RB1: variants seen among roughly 807,000 people sequenced by gnomAD.
RB1 encodes the protein RB transcriptional corepressor 1.
In RB1, 18 loss-of-function variants were observed where a neutral mutation model predicts 135.4. That is an observed-to-expected ratio of 0.13 (90% confidence interval 0.09 to 0.20). The LOEUF is 0.20. RB1 is among the 10% of genes least tolerant of loss of function. RB1 has a pLI of 1.00. For synonymous variants in RB1, 365 were observed against 373.2 expected, an observed-to-expected ratio of 0.98 and a Z score of 0.25; for missense variants, 868 against 1,110.0, an observed-to-expected ratio of 0.78 and a Z score of 3.10.
rs148200724 is a variant in RB1 at position 48,450,686 on chromosome 13, C to G, written c.1696-2307C>G. ...ATATGAATTTTATGAATTTTGGTTC[C>G]ATGTGAATTAGTTTTTTCTAATTCT... is the stretch of plus-strand genomic sequence containing the variant. On this transcript the variant is annotated intron_variant, in intron 17 of 26. Coordinates refer to ENST00000267163, the MANE Select transcript of RB1 (RefSeq NM_000321.3). Among the ~76,000 whole-genome samples the G allele has an allele frequency of 8.6e-5, 13 of 152,028 alleles. No individual in the cohort carries two copies. In the East Asian group the frequency reaches 2.5e-3, roughly 29 times the overall value.
chr13:48,358,659 G>C lies in RB1; in HGVS notation c.608-1358G>C, dbSNP rs1303668839. Among the ~76,000 whole-genome samples the C allele has an allele frequency of 3.9e-5, 6 of 152,056 alleles. No homozygotes were observed. In the South Asian group the frequency reaches 6.2e-4, roughly 16 times the overall value. ...AGTATGCAGAGTCTCTGTGTTGTCAGAAAAATAAGCTATAGTTGTTTACTT... is the reference window on the plus strand; with the variant it reads ...AGTATGCAGAGTCTCTGTGTTGTCACAAAAATAAGCTATAGTTGTTTACTT... On this transcript the variant is annotated intron_variant, in intron 6 of 26. Transcript: ENST00000267163.
At chr13:48,477,245 C>T in intron 25 of RB1, 110 bp from the exon 26 acceptor site, 1 of 752,094 alleles carries the variant, frequency 1.3e-6, no homozygotes, top group Non-Finnish European at 2.3e-6. Context: ...AAAAGCTACT[C>T]ACTAAAATAA....
intron 10 of RB1, 99 bp from the exon 11 acceptor site, chr13:48,368,428 A>C (rs1377450455): frequency 6.8e-7 from 1 of 1,477,628 alleles, no homozygotes; most frequent in Non-Finnish European, 9.2e-7. Flanking sequence ...ATTTTATATG[A>C]TTTTATGAGA....
intron 24 of RB1, among the ~76,000 whole-genome samples, chr13:48,476,045 A>AATT (rs1178251653): frequency 4.6e-5 from 7 of 152,200 alleles, no homozygotes; most frequent in Non-Finnish European, 1.0e-4. Flanking sequence ...GTTTTTGTTA[A>AATT]ATTGTATATG....
At chr13:48,444,674 T>A (rs1199479924) in intron 17 of RB1, 2 of 152,352 alleles carry the variant, frequency 1.3e-5, no homozygotes, top group Non-Finnish European at 2.9e-5. Flanking sequence ...AACCTCCATG[T>A]GTTCAGCTAT....
rs775013695 is a variant in RB1 at position 48,377,048 on chromosome 13, A to G, written c.1332+14A>G. The G allele has an allele frequency of 3.1e-6, 5 of 1,607,608 alleles. No individual in the cohort carries two copies. The highest frequency in any genetic ancestry group is 4.5e-5 in the East Asian group (2 of 44,756). On this transcript the variant is annotated intron_variant, in intron 13 of 26. Transcript: ENST00000267163. ...ATTGGATCACAGGTAACTTGAATTCATTGTAATTCGTGGTACTATAGAGTA... is the reference window on the plus strand; with the variant it reads ...ATTGGATCACAGGTAACTTGAATTCGTTGTAATTCGTGGTACTATAGAGTA...
chr13:48,471,681 T>C (rs1407768087), intron 23 of RB1, among the ~76,000 whole-genome samples: 2 of 152,062 alleles, frequency 1.3e-5, no homozygotes, highest in Non-Finnish European at 2.9e-5. Context: ...AGAACCAGTT[T>C]GGTTATATGT....
Position 48,422,792 on chromosome 13 carries a change from TA to T in RB1, c.1696-30191del, listed in dbSNP as rs66618985. 0.9 allele frequency: 136,033 copies of T among 150,866 alleles called. 62,419 individuals carry two copies. The highest frequency in any genetic ancestry group is 1 in the East Asian group (5,114 of 5,132). 9.3% of individuals were successfully genotyped at this position (150,866 alleles called of 1,614,324 possible). A position where few individuals can be genotyped will look rare whatever the true frequency, so the allele number is the denominator to read the frequency against. On this transcript the variant is annotated intron_variant, in intron 17 of 26. Transcript: ENST00000267163. ...CCTGGTGACAGATCAAGACCTTGTC[TA>T]AAAAAAAAACAAAAAGGAAAGAATA...
At chr13:48,375,208 C>T (rs1463086954) in intron 12 of RB1, among the ~76,000 whole-genome samples, 1 of 152,084 alleles carries the variant, frequency 6.6e-6, no homozygotes, top group Non-Finnish European at 1.5e-5. Flanking sequence ...TTCTAGAGCT[C>T]AATTTAAAGC....
At chr13:48,445,480 G>A (rs1017428908) in intron 17 of RB1, among the ~76,000 whole-genome samples, 1 of 152,054 alleles carries the variant, frequency 6.6e-6, no homozygotes, top group African/African-American at 2.4e-5. Flanking sequence ...AGTTCTGGTG[G>A]CCTCTTTCAT....
chr13:48,365,888 A>G lies in RB1; in HGVS notation c.939+917A>G, dbSNP rs546504470. Among the ~76,000 whole-genome samples, 85 of 152,308 alleles carry G rather than the reference A, an allele frequency of 5.6e-4. 1 individual carries two copies. Among genetic ancestry groups the G allele is most frequent in the South Asian group, 1.7e-3 (8 of 4,834 alleles). On this transcript the variant is annotated intron_variant, in intron 9 of 26. Coordinates refer to ENST00000267163, the MANE Select transcript of RB1 (RefSeq NM_000321.3). ...CTACAAGAGTGTGAAAAAAGTATTCACAGGGTTCTGTGATATCTCAAAGGA... is the reference window on the plus strand; with the variant it reads ...CTACAAGAGTGTGAAAAAAGTATTCGCAGGGTTCTGTGATATCTCAAAGGA...
intron 17 of RB1, among the ~76,000 whole-genome samples, chr13:48,446,013 A>G (rs1400271519): frequency 1.3e-5 from 2 of 152,208 alleles, no homozygotes; most frequent in Non-Finnish European, 2.9e-5. Context: ...ACTAGAGTAC[A>G]GTGGCACGAT....
At chr13:48,322,155 A>G (rs1213533179) in intron 2 of RB1, among the ~76,000 whole-genome samples, 1 of 152,182 alleles carries the variant, frequency 6.6e-6, no homozygotes, top group East Asian at 1.9e-4. Flanking sequence ...ATCATGCAAT[A>G]ATTTTCTTTC....
chr13:48,335,206 T>C (rs1168706349), intron 2 of RB1, among the ~76,000 whole-genome samples: 1 of 152,148 alleles, frequency 6.6e-6, no homozygotes, highest in Non-Finnish European at 1.5e-5. Flanking sequence ...ACATATCCCT[T>C]TAATATTCCT....
intron 17 of RB1, chr13:48,412,465 C>T: frequency 7.9e-7 from 1 of 1,271,730 alleles, no homozygotes. Flanking sequence ...GCACTTTCAT[C>T]AGCTGCAGTC....
Position 48,367,567 on chromosome 13 carries a change from A to G in RB1, c.1013A>G (p.Asp338Gly). Residue 338 changes from aspartate to glycine, a missense_variant, in exon 10 of 27, where the codon GAT becomes GGT. Asp to Gly is a moderately conservative substitution (Grantham distance 94). Transcript: ENST00000267163. ...GATCTAGATGCAAGATTATTTTTGG[A>G]TCATGATAAAACTCTTCAGACTGAT... The part of the protein sequence containing the change: ...NKDLDARLFL[D>G]HDKTLQTDSI... 1 of 1,604,838 alleles carries G rather than the reference A, an allele frequency of 6.2e-7. No individual in the cohort carries two copies. Among genetic ancestry groups the G allele is most frequent in the Admixed American group, 1.7e-5 (1 of 59,696 alleles).
At chr13:48,366,309 A>G (rs1952697156) in intron 9 of RB1, among the ~76,000 whole-genome samples, 1 of 152,206 alleles carries the variant, frequency 6.6e-6, no homozygotes, top group Admixed American at 6.5e-5. Context: ...CCAATATTTC[A>G]CATAATATAG....
At chr13:48,320,365 C>T in intron 2 of RB1, 1 of 1,228,484 alleles carries the variant, frequency 8.1e-7, no homozygotes, top group South Asian at 1.2e-5. Context: ...GCTCTCCACC[C>T]CCTCGTCAGC....
intron 20 of RB1, among the ~76,000 whole-genome samples, chr13:48,460,703 G>GT (rs1194317735): frequency 6.6e-6 from 1 of 152,184 alleles, no homozygotes; most frequent in Non-Finnish European, 1.5e-5. Context: ...GCTCACGCCT[G>GT]TAATCCTAGC....
Sources: gnomAD v4.1 joint callset for allele counts (sites outside exome capture counted in the v4.1 genomes callset) on GRCh38, gnomAD v4.1.1 for gene constraint, MANE v1.5 for transcripts, NCBI Gene and HGNC (gene_info 2026-07-23, HGNC 2026-07-21) for gene names.